TRPC5: variants seen among roughly 807,000 people sequenced by gnomAD.
TRPC5 encodes the protein short transient receptor potential channel 5.
TRPC5 carries 9 observed loss-of-function variants against 56.5 expected under a neutral mutation model. That is an observed-to-expected ratio of 0.16 (90% confidence interval 0.10 to 0.28). TRPC5 has a LOEUF of 0.28. Ranked by LOEUF, TRPC5 falls within the 10% of genes least tolerant of loss-of-function variation. The pLI, the probability that TRPC5 is intolerant of heterozygous loss-of-function variation, is 1.00. For missense variants in TRPC5, 469 were observed against 748.9 expected (o/e 0.63, Z 4.36); for synonymous variants, 282 against 278.5 (o/e 1.01, Z -0.13).
intron 3 of TRPC5, among the ~76,000 whole-genome samples, chrX:111,909,198 T>C (rs903449476): frequency 9.7e-6 from 1 of 102,851 alleles, no homozygotes; most frequent in African/African-American, 3.6e-5. Context: ...GGTGTGGTGG[T>C]GCACGCCTGT....
intron 7 of TRPC5, among the ~76,000 whole-genome samples, chrX:111,808,233 C>T (rs778119854): frequency 9.0e-6 from 1 of 110,764 alleles, no homozygotes; most frequent in African/African-American, 3.3e-5. Flanking sequence ...TTCCCCCAGT[C>T]CCCAGGTGGG....
At position 111,952,130 on chromosome X, in the gene TRPC5, A is replaced by C; in HGVS notation, c.291T>G (p.Gly97=). Residue 97 remains glycine, a synonymous_variant, in exon 2 of 11, where the codon GGT becomes GGG. Transcript: ENST00000262839. ...ELLLNHSVYV[G]DALLYAIRKE... ...TGCGTATGGCATAGAGCAATGCATC[A>C]CCCACATACACGCTGTGGTTCAGCA... is the stretch of plus-strand genomic sequence containing the variant. The C allele has an allele frequency of 4.1e-6, 5 of 1,212,013 alleles. No homozygotes were observed. Among genetic ancestry groups the C allele is most frequent in the Non-Finnish European group, 5.6e-6 (5 of 895,574 alleles).
chrX:111,834,973 A>G lies in TRPC5; in HGVS notation c.1844T>C (p.Val615Ala). Residue 615 changes from valine to alanine, a missense_variant, in exon 7 of 11, where the codon GTG (valine) becomes GCG (alanine). Val to Ala is a moderately conservative substitution (Grantham distance 64). Around this residue, in one of 3 missense-constraint regions of TRPC5, gnomAD observed 157 missense variants for 360.0 expected, o/e 0.44. Coordinates refer to ENST00000262839, the MANE Select transcript of TRPC5 (RefSeq NM_012471.3). The stretch of plus-strand genomic sequence containing the variant: ...CATAGCAATCAGCATGTTCAGCAGC[A>G]CTACCAGGGAGATGACATTGTATGT... ...FGTYNVISLVVLLNMLIAMMN... is the reference protein window; with the variant it reads ...FGTYNVISLVALLNMLIAMMN... 8.3e-7 allele frequency: 1 copy of G among 1,210,976 alleles called. No individual in the cohort carries two copies. Among genetic ancestry groups the G allele is most frequent in the Non-Finnish European group, 1.1e-6 (1 of 895,029 alleles).
intron 3 of TRPC5, among the ~76,000 whole-genome samples, chrX:111,868,015 T>A (rs988826839): frequency 3.6e-5 from 4 of 112,299 alleles, no homozygotes; most frequent in African/African-American, 1.3e-4. Flanking sequence ...ATTTTACAGA[T>A]GAGAAAACTG....
At chrX:112,005,673 T>C (rs1237307537) in intron 1 of TRPC5, among the ~76,000 whole-genome samples, 1 of 110,512 alleles carries the variant, frequency 9.0e-6, no homozygotes, top group African/African-American at 3.3e-5. Context: ...GTGACCCTGC[T>C]GGGAGCTGTT....
chrX:111,779,924 A>G (rs1459498385), intron 9 of TRPC5, among the ~76,000 whole-genome samples: 2 of 111,971 alleles, frequency 1.8e-5, no homozygotes, highest in Non-Finnish European at 3.8e-5. Context: ...GTTGAGGGCT[A>G]TGAAGCAGAA....
chrX:111,808,702 C>G (rs757560567), intron 7 of TRPC5, among the ~76,000 whole-genome samples: 2 of 109,419 alleles, frequency 1.8e-5, no homozygotes, highest in African/African-American at 6.6e-5. Context: ...CTCTCCTTTT[C>G]TCAAGCAGAA....
chrX:111,917,334 T>G (rs1603097601), intron 2 of TRPC5, among the ~76,000 whole-genome samples: 1 of 112,065 alleles, frequency 8.9e-6, no homozygotes. Flanking sequence ...TATCATCAGT[T>G]CAGGTGAATA....
intron 7 of TRPC5, among the ~76,000 whole-genome samples, chrX:111,830,549 G>C: frequency 9.0e-6 from 1 of 111,282 alleles, no homozygotes; most frequent in South Asian, 3.9e-4. Context: ...GGACCTCCTG[G>C]GGGGTGATTA....
chrX:112,046,133 G>C (rs183802118), intron 1 of TRPC5, among the ~76,000 whole-genome samples: 454 of 109,621 alleles, frequency 4.1e-3, no homozygotes, highest in African/African-American at 0.014. Context: ...CCTGCTCTAG[G>C]GGGGAAAGAA....
chrX:111,776,717 G>A lies in TRPC5; in HGVS notation c.2518C>T (p.Pro840Ser). The A allele has an allele frequency of 8.3e-7, 1 of 1,211,719 alleles. No individual in the cohort carries two copies. Among genetic ancestry groups the A allele is most frequent in the Non-Finnish European group, 1.1e-6 (1 of 895,481 alleles). The change falls in exon 11 of 11, where the codon CCT (proline) becomes TCT (serine). Residue 840 changes from proline to serine, a missense_variant. Physicochemically the swap from Pro to Ser is moderately conservative, Grantham distance 74. Coordinates refer to ENST00000262839, the MANE Select transcript of TRPC5 (RefSeq NM_012471.3). ...ESSSKRSFMG[P>S]SLKKLGLLFS... Reference sequence around the variant, plus strand: ...AGGAGACCCAGTTTCTTGAGAGAAGGACCCATGAAGGAGCGTTTGCTTGAT... The same window carrying A: ...AGGAGACCCAGTTTCTTGAGAGAAGAACCCATGAAGGAGCGTTTGCTTGAT...
At chrX:111,940,091 C>T (rs1292944259) in intron 2 of TRPC5, among the ~76,000 whole-genome samples, 1 of 111,612 alleles carries the variant, frequency 9.0e-6, no homozygotes, top group Admixed American at 9.5e-5. Flanking sequence ...TTTCCATTTT[C>T]ATTTCTTTCA....
At chrX:111,802,824 C>A (rs1176397802) in intron 7 of TRPC5, among the ~76,000 whole-genome samples, 3 of 111,506 alleles carry the variant, frequency 2.7e-5, no homozygotes, top group Admixed American at 9.6e-5. Context: ...AGCAAGCCTG[C>A]ATGTTATATC....
intron 1 of TRPC5, among the ~76,000 whole-genome samples, chrX:111,975,861 A>G (rs144661836): frequency 0.077 from 8,652 of 111,706 alleles, 334 homozygotes; most frequent in Non-Finnish European, 0.11. Context: ...CCGAGATTGC[A>G]CCACTGCACT....
intron 7 of TRPC5, among the ~76,000 whole-genome samples, chrX:111,816,163 G>C (rs1416385865): frequency 8.9e-6 from 1 of 111,782 alleles, no homozygotes; most frequent in Admixed American, 9.5e-5. Flanking sequence ...CCTTGCATGG[G>C]TAACAATAAA....
chrX:111,768,369 T>A lies in TRPC5; in HGVS notation c.*7944A>T, dbSNP rs761337800. 5.3e-5 allele frequency among the ~76,000 whole-genome samples: 6 copies of A among 112,248 alleles called. No homozygotes were observed. The highest frequency in any genetic ancestry group is 1.1e-4 in the Non-Finnish European group (6 of 53,200). ...TCGTATTCTCTAGTATTCTCCTTCC[T>A]GCTACCAAATGTTAGTTTGTAGCTG... On this transcript the variant is annotated 3_prime_UTR_variant, in exon 11 of 11. Coordinates refer to ENST00000262839, the MANE Select transcript of TRPC5 (RefSeq NM_012471.3).
intron 1 of TRPC5, among the ~76,000 whole-genome samples, chrX:112,057,332 C>T (rs1930364413): frequency 9.0e-6 from 1 of 111,584 alleles, no homozygotes. Flanking sequence ...ATGACTTTCT[C>T]TTTAAACCTC....
intron 3 of TRPC5, among the ~76,000 whole-genome samples, chrX:111,856,666 A>G (rs1358173496): frequency 9.3e-6 from 1 of 107,718 alleles, no homozygotes; most frequent in Non-Finnish European, 1.9e-5. Context: ...GAATACAAAA[A>G]TTAGCTGGGC....
chrX:112,011,206 T>C (rs1018271578), intron 1 of TRPC5, among the ~76,000 whole-genome samples: 15 of 111,318 alleles, frequency 1.3e-4, no homozygotes, highest in Non-Finnish European at 2.8e-4. Flanking sequence ...TTTCTCCTTA[T>C]ATGTAGTGGA....
Sources: allele counts gnomAD v4.1 joint callset (sites outside exome capture counted in the v4.1 genomes callset), GRCh38; gene constraint gnomAD v4.1.1; regional missense constraint gnomAD v4.1.1; transcripts MANE v1.5; gene names NCBI Gene and HGNC (gene_info 2026-07-23, HGNC 2026-07-21).